Variants in ESRRG observed in about 807,000 individuals in gnomAD.
The protein encoded by ESRRG is estrogen related receptor gamma.
Under a neutral mutation model 44.0 loss-of-function variants are expected in ESRRG, and 13 were observed. The ratio of observed to expected loss-of-function variants is 0.30; its 90% CI spans 0.19 to 0.47. ESRRG has a LOEUF of 0.47. ESRRG is among the 20% of genes least tolerant of loss of function. The pLI, the probability that ESRRG is intolerant of heterozygous loss-of-function variation, is 1.00. For synonymous variants in ESRRG, 215 were observed against 214.6 expected, an observed-to-expected ratio of 1.00 and a Z score of -0.02; for missense variants, 395 against 580.6, an observed-to-expected ratio of 0.68 and a Z score of 3.29.
At chr1:216,972,163 T>G (rs1578877333) in intron 1 of ESRRG, among the ~76,000 whole-genome samples, 1 of 152,204 alleles carries the variant, frequency 6.6e-6, no homozygotes. Context: ...CTTTCTCAAC[T>G]ACCAACCTGA....
At chr1:216,753,015 G>T (rs2092168180) in intron 2 of ESRRG, among the ~76,000 whole-genome samples, 1 of 151,992 alleles carries the variant, frequency 6.6e-6, no homozygotes, top group Non-Finnish European at 1.5e-5. Context: ...GGTAGATGCA[G>T]AACCACCAGT....
chr1:216,569,259 G>GAAA (rs2060344850), intron 3 of ESRRG, among the ~76,000 whole-genome samples: 3 of 81,756 alleles, frequency 3.7e-5, no homozygotes, highest in East Asian at 3.7e-4. Flanking sequence ...AAGGAAAGGA[G>GAAA]GGAGGAAGGA....
At chr1:216,895,286 CT>C (rs2058288829) in intron 2 of ESRRG, among the ~76,000 whole-genome samples, 1 of 152,078 alleles carries the variant, frequency 6.6e-6, no homozygotes, top group Non-Finnish European at 1.5e-5. Context: ...TTGTTTCTTA[CT>C]TTTAAAAATA....
intron 1 of ESRRG, among the ~76,000 whole-genome samples, chr1:217,101,791 T>A (rs1054698355): frequency 9.2e-5 from 1 of 10,870 alleles, no homozygotes; most frequent in African/African-American, 1.0e-4. Context: ...AACAACATTT[T>A]ATTTTTTTTT....
chr1:217,127,484 T>C (rs12141781), intron 1 of ESRRG, among the ~76,000 whole-genome samples: 6,040 of 152,260 alleles, frequency 0.04, 166 homozygotes, highest in African/African-American at 0.07. Context: ...CTTCCAGTGT[T>C]TCAAGAGAAG....
intron 3 of ESRRG, among the ~76,000 whole-genome samples, chr1:216,629,110 CA>C (rs2063677063): frequency 6.6e-6 from 1 of 152,172 alleles, no homozygotes; most frequent in Non-Finnish European, 1.5e-5. Flanking sequence ...TCCTATACCC[CA>C]CAGCCAGTTA....
intron 2 of ESRRG, among the ~76,000 whole-genome samples, chr1:216,881,427 G>C (rs1288579723): frequency 6.6e-6 from 1 of 152,052 alleles, no homozygotes; most frequent in African/African-American, 2.4e-5. Context: ...CCCATGAATT[G>C]CCACACCAAC....
chr1:216,511,242 A>C (rs899099343), intron 6 of ESRRG, among the ~76,000 whole-genome samples: 1 of 152,150 alleles, frequency 6.6e-6, no homozygotes, highest in Non-Finnish European at 1.5e-5. Context: ...AGAGAAGTGG[A>C]AAAAGGTCTA....
At chr1:216,935,188 A>G (rs2063934658) in intron 2 of ESRRG, among the ~76,000 whole-genome samples, 1 of 152,086 alleles carries the variant, frequency 6.6e-6, no homozygotes, top group Admixed American at 6.6e-5. Context: ...TGGGTGTCCT[A>G]CGATTTAACT....
At chr1:217,034,222 C>T (rs2082491719) in intron 1 of ESRRG, among the ~76,000 whole-genome samples, 1 of 152,092 alleles carries the variant, frequency 6.6e-6, no homozygotes, top group African/African-American at 2.4e-5. Flanking sequence ...GATTTTGCAA[C>T]TTGAATTACA....
chr1:216,963,932 A>C (rs1203939495), intron 1 of ESRRG, among the ~76,000 whole-genome samples: 1 of 152,202 alleles, frequency 6.6e-6, no homozygotes, highest in Non-Finnish European at 1.5e-5. Context: ...AAGCCAGCTA[A>C]GGATTCCCTA....
chr1:217,110,142 T>A (rs567499264), intron 1 of ESRRG, among the ~76,000 whole-genome samples: 27 of 152,240 alleles, frequency 1.8e-4, no homozygotes, highest in Non-Finnish European at 3.7e-4. Flanking sequence ...TTGGAACCCA[T>A]GGAAAACATT....
chr1:216,729,582 A>G (rs2088287997), intron 2 of ESRRG, among the ~76,000 whole-genome samples: 1 of 152,174 alleles, frequency 6.6e-6, no homozygotes, highest in Non-Finnish European at 1.5e-5. Flanking sequence ...AGGGAAAACT[A>G]AAAGATGTTC....
At chr1:216,997,873 C>A (rs2076561661) in intron 1 of ESRRG, among the ~76,000 whole-genome samples, 1 of 152,210 alleles carries the variant, frequency 6.6e-6, no homozygotes, top group Non-Finnish European at 1.5e-5. Flanking sequence ...CCCCATTAAC[C>A]TTGAGAGAAC....
chr1:217,091,710 G>A (rs890327092), upstream of ESRRG, among the ~76,000 whole-genome samples: 5 of 152,138 alleles, frequency 3.3e-5, no homozygotes, highest in Non-Finnish European at 7.3e-5. Flanking sequence ...AGTCTTGTCG[G>A]GTGCTTAGAT....
chr1:216,626,349 C>T, intron 3 of ESRRG, among the ~76,000 whole-genome samples: 1 of 152,122 alleles, frequency 6.6e-6, no homozygotes, highest in South Asian at 2.1e-4. Context: ...AACTCACTTC[C>T]CATCTTGTGT....
chr1:216,522,070 T>C (rs1240043666), intron 5 of ESRRG, among the ~76,000 whole-genome samples: 1 of 151,360 alleles, frequency 6.6e-6, no homozygotes, highest in African/African-American at 2.4e-5. Context: ...GGGGTTTAAT[T>C]GAACAAAAAA....
intron 1 of ESRRG, among the ~76,000 whole-genome samples, chr1:217,015,980 G>T (rs181771765): frequency 6.6e-6 from 1 of 152,026 alleles, no homozygotes; most frequent in Admixed American, 6.6e-5. Flanking sequence ...ATCGAGGGCG[G>T]CTAGATTTAA....
At chr1:216,918,184 A>T (rs1305806405) in intron 2 of ESRRG, among the ~76,000 whole-genome samples, 1 of 152,184 alleles carries the variant, frequency 6.6e-6, no homozygotes, top group African/African-American at 2.4e-5. Flanking sequence ...GGGACAGTTA[A>T]TTTTGTTTAC....
Sources: allele counts gnomAD v4.1 joint callset (sites outside exome capture counted in the v4.1 genomes callset), GRCh38; gene constraint gnomAD v4.1.1; transcripts MANE v1.5; gene names NCBI Gene and HGNC (gene_info 2026-07-23, HGNC 2026-07-21).